ABTB2: variants seen among roughly 807,000 people sequenced by gnomAD.
The protein encoded by ABTB2 is ankyrin repeat and BTB/POZ domain-containing protein 2.
In ABTB2, 56 loss-of-function variants were observed where a neutral mutation model predicts 104.1. That is an observed-to-expected ratio of 0.54 (90% CI 0.43 to 0.67). The LOEUF (loss-of-function observed/expected upper bound fraction) is 0.67, where lower values mean the gene tolerates loss of function less well. Among genes scored for constraint, ABTB2 ranks in the 30% least tolerant of loss-of-function variants. The pLI is 0.00. For synonymous variants in ABTB2, 606 were observed against 608.2 expected (o/e 1.00, Z 0.05); for missense variants, 1,279 against 1,407.7 (o/e 0.91, Z 1.46).
intron 1 of ABTB2, among the ~76,000 whole-genome samples, chr11:34,238,812 G>T (rs1480817875): frequency 6.6e-6 from 1 of 152,100 alleles, no homozygotes; most frequent in Non-Finnish European, 1.5e-5. Context: ...GGAGTGCAAT[G>T]ATGCAATCTC....
At chr11:34,317,953 C>T (rs933768485) in intron 1 of ABTB2, among the ~76,000 whole-genome samples, 2 of 150,908 alleles carry the variant, frequency 1.3e-5, no homozygotes, top group East Asian at 3.9e-4. Flanking sequence ...CCTCCCCTCC[C>T]CACGTCCCCC....
At chr11:34,307,527 A>G (rs75006411) in intron 1 of ABTB2, among the ~76,000 whole-genome samples, 1 of 152,344 alleles carries the variant, frequency 6.6e-6, no homozygotes, top group African/African-American at 2.4e-5. Context: ...GAGTTTGAGC[A>G]GTCAACAGAA....
At chr11:34,169,219 C>A (rs1321748297) in intron 5 of ABTB2, among the ~76,000 whole-genome samples, 3 of 152,266 alleles carry the variant, frequency 2.0e-5, no homozygotes, top group African/African-American at 7.2e-5. Context: ...AAATGACGGG[C>A]CCGGTGAGGA....
chr11:34,190,883 G>A (rs1442160275), intron 3 of ABTB2, among the ~76,000 whole-genome samples: 1 of 152,140 alleles, frequency 6.6e-6, no homozygotes, highest in Non-Finnish European at 1.5e-5. Flanking sequence ...TAATGAGGAG[G>A]AGACACCATT....
chr11:34,250,320 A>G (rs570018821), intron 1 of ABTB2, among the ~76,000 whole-genome samples: 1 of 152,320 alleles, frequency 6.6e-6, no homozygotes, highest in South Asian at 2.1e-4. Context: ...CCTCTAGTAC[A>G]ACCAGACTGC....
At chr11:34,322,046 T>A (rs1411499100) in intron 1 of ABTB2, among the ~76,000 whole-genome samples, 2 of 152,194 alleles carry the variant, frequency 1.3e-5, no homozygotes, top group Non-Finnish European at 2.9e-5. Flanking sequence ...TGAATATCCC[T>A]CTGGGAAATA....
chr11:34,204,572 G>C lies in ABTB2; in HGVS notation c.1002C>G (p.Ala334=). The stretch of plus-strand genomic sequence containing the variant: ...GCTCCGAGATGCTGCCCACGCAGGT[G>C]GCCAGGAGGGACTGCTCCAGGGTTC... ...ELRTLEQSLL[A]TCVGSISELS... The change falls in exon 2 of 17, where the codon GCC becomes GCG. Residue 334 remains alanine (A), a synonymous_variant. Coordinates refer to ENST00000435224, the MANE Select transcript of ABTB2 (RefSeq NM_145804.3). 1 of 1,613,178 alleles carries C rather than the reference G, an allele frequency of 6.2e-7. No individual in the cohort carries two copies. Among genetic ancestry groups the C allele is most frequent in the Non-Finnish European group, 8.5e-7 (1 of 1,179,926 alleles).
At chr11:34,350,329 C>T (rs1213448966) in intron 1 of ABTB2, among the ~76,000 whole-genome samples, 2 of 152,218 alleles carry the variant, frequency 1.3e-5, no homozygotes, top group African/African-American at 4.8e-5. Context: ...TCAAATCCCT[C>T]TTGGTGCCTT....
At chr11:34,165,153 G>A in intron 8 of ABTB2, 107 bp downstream of exon 8, 2 of 1,051,816 alleles carry the variant, frequency 1.9e-6, no homozygotes, top group Non-Finnish European at 1.3e-6. Context: ...CCCTGCATGG[G>A]GTCCGTGTGT....
intron 3 of ABTB2, 45 bp downstream of exon 3, chr11:34,197,280 T>C: frequency 6.3e-7 from 1 of 1,595,828 alleles, no homozygotes; most frequent in Non-Finnish European, 8.6e-7. Context: ...AATGCACGTT[T>C]GGGAGCACGT....
At chr11:34,199,574 A>G (rs1045859597) in intron 2 of ABTB2, among the ~76,000 whole-genome samples, 10 of 152,224 alleles carry the variant, frequency 6.6e-5, no homozygotes, top group African/African-American at 2.4e-4. Context: ...AGTCAGACAC[A>G]GTTGGCCTCA....
At chr11:34,237,954 A>G (rs1853866806) in intron 1 of ABTB2, among the ~76,000 whole-genome samples, 1 of 152,134 alleles carries the variant, frequency 6.6e-6, no homozygotes, top group South Asian at 2.1e-4. Context: ...CACTCTCACT[A>G]AGTCTTTAAA....
chr11:34,346,199 C>T (rs1855329473), intron 1 of ABTB2, among the ~76,000 whole-genome samples: 1 of 152,246 alleles, frequency 6.6e-6, no homozygotes, highest in Non-Finnish European at 1.5e-5. Context: ...CTGGATTATA[C>T]AGCTCTGCCT....
chr11:34,240,020 T>C (rs73495543), intron 1 of ABTB2, among the ~76,000 whole-genome samples: 5,516 of 152,314 alleles, frequency 0.036, 360 homozygotes, highest in African/African-American at 0.12. Context: ...TTCAGTTCCA[T>C]AATCAATTTC....
At chr11:34,211,868 G>A (rs772940507) in intron 1 of ABTB2, among the ~76,000 whole-genome samples, 102 of 133,600 alleles carry the variant, frequency 7.6e-4, no homozygotes, top group Non-Finnish European at 1.1e-3. Flanking sequence ...CAGCCTGGGC[G>A]ACACAGCCTG....
At chr11:34,186,865 C>A (rs1473387195) in intron 3 of ABTB2, among the ~76,000 whole-genome samples, 2 of 152,246 alleles carry the variant, frequency 1.3e-5, no homozygotes, top group Non-Finnish European at 2.9e-5. Flanking sequence ...TAGCTGAGAG[C>A]AAGCTGCCCA....
intron 3 of ABTB2, among the ~76,000 whole-genome samples, chr11:34,178,481 G>A (rs1388747594): frequency 6.6e-6 from 1 of 152,210 alleles, no homozygotes; most frequent in Admixed American, 6.5e-5. Context: ...CAGCGTGGCT[G>A]TGTGAGAACT....
chr11:34,155,076 A>G (rs1350262378), intron 14 of ABTB2, among the ~76,000 whole-genome samples: 4 of 152,206 alleles, frequency 2.6e-5, no homozygotes, highest in Non-Finnish European at 5.9e-5. Flanking sequence ...AGCTGGGGAA[A>G]CTGAGACCCA....
At position 34,162,769 on chromosome 11, in the gene ABTB2, C is replaced by A. The variant is rs533463029; in HGVS notation, c.2025G>T (p.Gln675His). 1 of 1,607,836 alleles carries A rather than the reference C, an allele frequency of 6.2e-7. No homozygotes were observed. The highest frequency in any genetic ancestry group is 1.1e-5 in the South Asian group (1 of 91,072). ...VLRKLLTQPQ[Q>H]AKADVLSLEE... ...CCAGGGACAGCACGTCCGCTTTAGC[C>A]TGCTGTGGCTGCGTCAGGAGCTTCC... The change falls in exon 10 of 17, where the codon CAG becomes CAT. Residue 675 changes from glutamine (Q) to histidine (H), a missense_variant. Gln to His is a conservative substitution (Grantham distance 24, BLOSUM62 0). Transcript: ENST00000435224.
Sources: gnomAD v4.1 joint callset for allele counts (sites outside exome capture counted in the v4.1 genomes callset) on GRCh38, gnomAD v4.1.1 for gene constraint, MANE v1.5 for transcripts, NCBI Gene and HGNC (gene_info 2026-07-23, HGNC 2026-07-21) for gene names.